JOSD2: variants seen among roughly 807,000 people sequenced by gnomAD.
JOSD2 encodes Josephin domain containing 2, also known as josephin-2.
In JOSD2, 20 loss-of-function variants were observed where a neutral mutation model predicts 19.3. That is an observed-to-expected ratio of 1.04 (90% CI 0.73 to 1.51). The LOEUF is 1.51. Among genes scored for constraint, JOSD2 ranks in the 40% most tolerant of loss-of-function variants. The pLI is 0.00. For missense variants in JOSD2, 215 were observed against 250.4 expected, an observed-to-expected ratio of 0.86 and a Z score of 0.95; for synonymous variants, 118 against 123.7, an observed-to-expected ratio of 0.95 and a Z score of 0.31.
chr19:50,506,562 G>A lies in JOSD2; in HGVS notation c.283C>T (p.Gln95Ter), dbSNP rs1427744482. ...VWWDRRRPLS[Q>*]LALPQVLGLI... ...CCCAGTACCTGGGGCAGGGCCAGCT[G>A]GGACAGGGGCCTGTGTGGGCAGGGA... Residue 95 changes from glutamine to a stop codon, truncating the protein, a stop_gained, in exon 4 of 5, where the codon CAG becomes TAG. Transcript: ENST00000598418. LOFTEE classifies it high-confidence loss of function. 3 of 1,536,520 alleles carry A rather than the reference G, an allele frequency of 2.0e-6. No individual in the cohort carries two copies. In the Admixed American group the frequency reaches 6.1e-5, roughly 31 times the overall value.
rs778485275 is a variant in JOSD2, at chr19:50,510,051, C to CAGAAAAAA, written c.146+234_146+235insTTTTTTCT. 9.0e-5 allele frequency: 21 copies of CAGAAAAAA among 232,212 alleles called. No homozygotes were observed. The African/African-American group carries it at 1.0e-3, about 11-fold the overall frequency. The allele number at this position is 232,212 out of a possible 1,614,324, so 14.4% of individuals were successfully genotyped here. A position where few individuals can be genotyped will look rare whatever the true frequency, so the allele number is the denominator to read the frequency against. On this transcript the variant is annotated intron_variant, in intron 2 of 4. Coordinates refer to ENST00000598418, the MANE Select transcript of JOSD2 (RefSeq NM_001270639.2). ...TGGGCAACAGAGTGAGACTCAGTCT[C>CAGAAAAAA]AAAAAAAAAAAAAAAAGAAAGAACC...
In JOSD2 at chr19:50,507,653, T is replaced by G; in HGVS notation, c.193A>C (p.Thr65Pro). Residue 65 changes from threonine to proline, a missense_variant, in exon 3 of 5, where the codon ACC (threonine) becomes CCC (proline). Transcript: ENST00000598418. ...RLNPHRSLLG[T>P]GNYDVNVIMA... ...ATCACATTGACATCATAGTTGCCGG[T>G]GCCCAGGAGGCTGCGATGAGGGTTC... The G allele has an allele frequency of 6.2e-7, 1 of 1,612,074 alleles. No homozygotes were observed. The highest frequency in any genetic ancestry group is 8.5e-7 in the Non-Finnish European group (1 of 1,179,934).
chr19:50,510,934 G>A, intron 1 of JOSD2, 183 bp downstream of exon 1: 1 of 355,962 alleles, frequency 2.8e-6, no homozygotes, highest in Non-Finnish European at 5.7e-6. Context: ...CGGTCATGTA[G>A]CAGCGAGGCT....
chr19:50,510,051 C>CA (rs139049930), intron 2 of JOSD2: 4,870 of 231,756 alleles, frequency 0.021, 6 homozygotes, highest in East Asian at 0.035. Context: ...GACTCAGTCT[C>CA]AAAAAAAAAA....
rs750583261 is a variant in JOSD2, at chr19:50,506,132, T to C, written c.*41A>G. 1 of 1,574,688 alleles carries C rather than the reference T, an allele frequency of 6.4e-7. No individual in the cohort carries two copies. On this transcript the variant is annotated 3_prime_UTR_variant, in exon 5 of 5. Coordinates refer to ENST00000598418, the MANE Select transcript of JOSD2 (RefSeq NM_001270639.2). ...TGCAGTGTGCGCAGCCGGAGGGGGA[T>C]GCGCAGGGACTGCGCTGTGGGCGCC...
chr19:50,511,008 TC>T (rs1169367823), intron 1 of JOSD2, 108 bp downstream of exon 1: 6 of 436,840 alleles, frequency 1.4e-5, no homozygotes, highest in Admixed American at 2.5e-5. Flanking sequence ...GAGTTCCTCT[TC>T]CTATCACCCA....
rs778069176 is a variant in JOSD2, at chr19:50,507,706, G to A, written c.147-7C>T. On this transcript the variant is annotated splice_region_variant and splice_polypyrimidine_tract_variant and intron_variant, in intron 2 of 4. Transcript: ENST00000598418. ...CCGGGAGTCTGGGGCCAACCTGGTAGTGGGGGTGGCCAGAGCTGAGGTGGG... is the reference window on the plus strand; with the variant it reads ...CCGGGAGTCTGGGGCCAACCTGGTAATGGGGGTGGCCAGAGCTGAGGTGGG... 9.4e-5 allele frequency: 151 copies of A among 1,609,346 alleles called. No homozygotes were observed. The highest frequency in any genetic ancestry group is 4.0e-4 in the East Asian group (18 of 44,874).
Position 50,506,566 on chromosome 19 carries a change from C to CAG in JOSD2, c.277_278dup (p.Ser94CysfsTer12). ...GTACCTGGGGCAGGGCCAGCTGGGA[C>CAG]AGGGGCCTGTGTGGGCAGGGAGGGG... On this transcript the variant is annotated frameshift_variant, in exon 4 of 5. Transcript: ENST00000598418. LOFTEE classifies it high-confidence loss of function. The CAG allele has an allele frequency of 3.3e-6, 5 of 1,532,810 alleles. No individual in the cohort carries two copies. Among genetic ancestry groups the CAG allele is most frequent in the Non-Finnish European group, 4.4e-6 (5 of 1,137,446 alleles). 95.0% of individuals were successfully genotyped at this position (1,532,810 alleles called of 1,614,324 possible).
At chr19:50,506,356 G>C (rs1979333809) in intron 4 of JOSD2, 22 bp downstream of exon 4, 1 of 1,604,034 alleles carries the variant, frequency 6.2e-7, no homozygotes, top group Admixed American at 1.7e-5. Context: ...CCTGGTCTTG[G>C]AATCGCCTCT....
chr19:50,509,603 CG>C (rs1054655896), intron 2 of JOSD2, among the ~76,000 whole-genome samples: 1 of 151,986 alleles, frequency 6.6e-6, no homozygotes, highest in African/African-American at 2.4e-5. Flanking sequence ...CTGAGTAGGG[CG>C]GGGGCGTGTT....
intron 1 of JOSD2, 115 bp from the exon 2 acceptor site, chr19:50,510,563 AAG>A: frequency 1.0e-6 from 1 of 977,160 alleles, no homozygotes; most frequent in Non-Finnish European, 1.5e-6. Flanking sequence ...GCAGCCCAGG[AAG>A]ACACTGGGCC....
intron 3 of JOSD2, 50 bp from the exon 4 acceptor site, chr19:50,506,622 G>T: frequency 6.9e-7 from 1 of 1,444,228 alleles, no homozygotes; most frequent in Non-Finnish European, 9.2e-7. Context: ...TCCGCCCGCC[G>T]GTGAAATGTT....
At position 50,511,143 on chromosome 19, in the gene JOSD2, C is replaced by G. The variant is rs1447147105; in HGVS notation, c.-44G>C. 3 of 450,786 alleles carry G rather than the reference C, an allele frequency of 6.7e-6. No homozygotes were observed. Among genetic ancestry groups the G allele is most frequent in the Non-Finnish European group, 1.3e-5 (3 of 224,188 alleles). The allele number at this position is 450,786 out of a possible 1,614,324, so 27.9% of individuals were successfully genotyped here. A position where few individuals can be genotyped will look rare whatever the true frequency, so the allele number is the denominator to read the frequency against. ...CCGCCTGCCTCTCCGCTCCACCGAG[C>G]CAGGGGTTTCCGCATCCCCTTCCTG... On this transcript the variant is annotated 5_prime_UTR_variant, in exon 1 of 5. Transcript: ENST00000598418.
At chr19:50,507,955 G>A (rs1979486768) in intron 2 of JOSD2, 1 of 535,852 alleles carries the variant, frequency 1.9e-6, no homozygotes, top group South Asian at 2.1e-5. Flanking sequence ...CCCAAGTCCT[G>A]CCTCTCCTGC....
At chr19:50,508,875 T>A (rs1050728051) in intron 2 of JOSD2, among the ~76,000 whole-genome samples, 1 of 152,028 alleles carries the variant, frequency 6.6e-6, no homozygotes, top group African/African-American at 2.4e-5. Flanking sequence ...ATAATCAGTC[T>A]GAGGGGCTGG....
At chr19:50,510,576 C>T in intron 1 of JOSD2, 128 bp from the exon 2 acceptor site, 2 of 787,632 alleles carry the variant, frequency 2.5e-6, no homozygotes, top group Non-Finnish European at 3.9e-6. Context: ...ACACTGGGCC[C>T]CTGACCCCGC....
At chr19:50,508,909 G>A (rs1020005432) in intron 2 of JOSD2, among the ~76,000 whole-genome samples, 14 of 151,966 alleles carry the variant, frequency 9.2e-5, no homozygotes, top group African/African-American at 2.9e-4. Context: ...TCCGAGAGCC[G>A]GAGGAGGCTT....
In JOSD2 at chr19:50,510,445, C is replaced by T. The variant is rs1175067127; in HGVS notation, c.-14G>A. 3 of 1,598,120 alleles carry T rather than the reference C, an allele frequency of 1.9e-6. No individual in the cohort carries two copies. Among genetic ancestry groups the T allele is most frequent in the South Asian group, 2.2e-5 (2 of 90,620 alleles). On this transcript the variant is annotated 5_prime_UTR_variant, in exon 2 of 5. Transcript: ENST00000598418. ...GGCCTGGGACATGCCGTCCTCGGCT[C>T]CTGCTGGGGGTTGGGAGGGGGAGAA...
In JOSD2 at chr19:50,506,051, G is replaced by A. The variant is rs1979302775; in HGVS notation, c.*122C>T. 2.3e-6 allele frequency: 2 copies of A among 870,938 alleles called. No homozygotes were observed. Among genetic ancestry groups the A allele is most frequent in the Admixed American group, 5.4e-5 (2 of 37,004 alleles). The allele number at this position is 870,938 out of a possible 1,614,324, so 54.0% of individuals were successfully genotyped here. A position where few individuals can be genotyped will look rare whatever the true frequency, so the allele number is the denominator to read the frequency against. On this transcript the variant is annotated 3_prime_UTR_variant, in exon 5 of 5. Transcript: ENST00000598418. The stretch of plus-strand genomic sequence containing the variant: ...AGCAGCGGCAGTGGGGAGCAGGGGT[G>A]TGGGGAGGGGGCGGGGCCTCCCCAG...
Sources: gnomAD v4.1 joint callset for allele counts (sites outside exome capture counted in the v4.1 genomes callset) on GRCh38, gnomAD v4.1.1 for gene constraint, MANE v1.5 for transcripts, NCBI Gene and HGNC (gene_info 2026-07-23, HGNC 2026-07-21) for gene names.